Variants in CTNNBL1 observed in about 807,000 individuals in gnomAD.
CTNNBL1 encodes the protein catenin beta like 1.
CTNNBL1 carries 31 observed loss-of-function variants against 72.7 expected under a neutral mutation model. The observed-to-expected ratio is 0.43, with a 90% CI of 0.32 to 0.58. CTNNBL1 has a LOEUF of 0.58. CTNNBL1 is among the 20% of genes least tolerant of loss of function. CTNNBL1 has a pLI of 0.08. For synonymous variants in CTNNBL1, 240 were observed against 267.3 expected (o/e 0.90, Z 1.00); for missense variants, 534 against 725.1 (o/e 0.74, Z 3.03).
rs1389377091 is a variant in CTNNBL1 at position 37,863,604 on chromosome 20, CT to C, written c.1603+3262del. Among the ~76,000 whole-genome samples the C allele has an allele frequency of 2.6e-5, 4 of 152,142 alleles. 1 individual carries two copies. The highest frequency in any genetic ancestry group is 9.7e-5 in the African/African-American group (4 of 41,436). On this transcript the variant is annotated intron_variant, in intron 15 of 15. Coordinates refer to ENST00000361383, the MANE Select transcript of CTNNBL1 (RefSeq NM_030877.5). ...GTGGCCTTGGGGAGGACTATAGCCCCTTCAAGGGAGGCCAAGAAGAGGTGCA... is the reference window on the plus strand; with the variant it reads ...GTGGCCTTGGGGAGGACTATAGCCCCTCAAGGGAGGCCAAGAAGAGGTGCA...
chr20:37,773,909 CTTT>C (rs1176688817), intron 7 of CTNNBL1, among the ~76,000 whole-genome samples: 1 of 104,644 alleles, frequency 9.6e-6, no homozygotes, highest in Non-Finnish European at 1.9e-5. Flanking sequence ...TTCTTTCTCT[CTTT>C]TTTTTTTTTT....
At chr20:37,822,108 G>C (rs2072113048) in intron 11 of CTNNBL1, among the ~76,000 whole-genome samples, 3 of 152,182 alleles carry the variant, frequency 2.0e-5, no homozygotes, top group Admixed American at 6.5e-5. Context: ...TCATGCTAGA[G>C]AATAAATCTG....
At chr20:37,834,163 A>G (rs2072235552) in intron 11 of CTNNBL1, among the ~76,000 whole-genome samples, 1 of 152,134 alleles carries the variant, frequency 6.6e-6, no homozygotes, top group African/African-American at 2.4e-5. Flanking sequence ...TGGTTATTCT[A>G]TTTATTACAT....
intron 2 of CTNNBL1, among the ~76,000 whole-genome samples, chr20:37,734,596 G>A (rs577072193): frequency 6.6e-6 from 1 of 152,198 alleles, no homozygotes. Context: ...AAAAGAGATC[G>A]CTTTGTAAAA....
At chr20:37,720,297 G>T (rs530641006) in intron 1 of CTNNBL1, among the ~76,000 whole-genome samples, 2 of 152,166 alleles carry the variant, frequency 1.3e-5, no homozygotes, top group African/African-American at 4.8e-5. Context: ...CAAAGTGCTG[G>T]GATTACAGGC....
intron 1 of CTNNBL1, among the ~76,000 whole-genome samples, chr20:37,712,104 A>AT (rs1315066073): frequency 6.6e-5 from 10 of 152,226 alleles, no homozygotes; most frequent in Non-Finnish European, 2.9e-5. Context: ...AGCTGAAGCC[A>AT]TGCTGTCCCT....
chr20:37,851,141 C>G (rs1263526612), intron 13 of CTNNBL1, among the ~76,000 whole-genome samples: 1 of 152,212 alleles, frequency 6.6e-6, no homozygotes, highest in African/African-American at 2.4e-5. Context: ...CATACCACCT[C>G]CTTGTGTGTC....
intron 3 of CTNNBL1, among the ~76,000 whole-genome samples, chr20:37,743,593 A>G (rs922483165): frequency 2.0e-5 from 3 of 152,234 alleles, no homozygotes; most frequent in Non-Finnish European, 4.4e-5. Context: ...CTATAAAGCT[A>G]TAACAATGTG....
chr20:37,736,933 G>C (rs960733261), intron 2 of CTNNBL1, among the ~76,000 whole-genome samples: 1 of 152,092 alleles, frequency 6.6e-6, no homozygotes, highest in African/African-American at 2.4e-5. Context: ...GAGATAAAGT[G>C]TGTACTGTGG....
intron 1 of CTNNBL1, among the ~76,000 whole-genome samples, chr20:37,695,683 A>G (rs1181573013): frequency 3.9e-5 from 6 of 152,206 alleles, no homozygotes; most frequent in Non-Finnish European, 5.9e-5. Context: ...CTGTTTTGCT[A>G]CTAACTGGCT....
intron 12 of CTNNBL1, among the ~76,000 whole-genome samples, chr20:37,840,545 C>T (rs1000185470): frequency 1.2e-4 from 19 of 152,342 alleles, no homozygotes; most frequent in Admixed American, 7.2e-4. Flanking sequence ...GAGATTTGAA[C>T]CTGTTTTCGC....
chr20:37,754,214 AT>A (rs1253052434), intron 4 of CTNNBL1, among the ~76,000 whole-genome samples: 1 of 150,240 alleles, frequency 6.7e-6, no homozygotes, highest in Admixed American at 6.6e-5. Context: ...AACACTACTT[AT>A]TGCATTATTG....
intron 11 of CTNNBL1, among the ~76,000 whole-genome samples, chr20:37,825,165 C>T (rs1325432109): frequency 6.6e-6 from 1 of 152,100 alleles, no homozygotes; most frequent in African/African-American, 2.4e-5. Flanking sequence ...CCAGCCTGGT[C>T]AACATGGTGA....
intron 1 of CTNNBL1, among the ~76,000 whole-genome samples, chr20:37,724,366 A>G (rs1181427719): frequency 1.3e-5 from 2 of 152,050 alleles, no homozygotes; most frequent in Non-Finnish European, 2.9e-5. Context: ...TGAAAAATGT[A>G]ATTTTTTTTT....
rs6013087 is a variant in CTNNBL1, at chr20:37,795,966, C to T, written c.1032-6901C>T. Among the ~76,000 whole-genome samples, 430 of 148,036 alleles carry T rather than the reference C, an allele frequency of 2.9e-3. 7 individuals carry two copies. Among genetic ancestry groups the T allele is most frequent in the African/African-American group, 9.6e-3 (384 of 39,966 alleles). ...TGTTCTGGAGCTTTGTTCTAAGATA[C>T]AAAGTTACTTGGAAATAGTTTGGTC... On this transcript the variant is annotated intron_variant, in intron 10 of 15. Transcript: ENST00000361383.
At chr20:37,815,971 C>T (rs2072054729) in intron 11 of CTNNBL1, among the ~76,000 whole-genome samples, 1 of 152,148 alleles carries the variant, frequency 6.6e-6, no homozygotes, top group Non-Finnish European at 1.5e-5. Context: ...CTGCAGGTTG[C>T]TGGGGAAATG....
intron 11 of CTNNBL1, among the ~76,000 whole-genome samples, chr20:37,828,178 T>C (rs557564129): frequency 6.6e-6 from 1 of 152,206 alleles, no homozygotes; most frequent in Non-Finnish European, 1.5e-5. Flanking sequence ...AAGGTACAGA[T>C]ACGACTGAGA....
At chr20:37,761,560 AT>A (rs1299801302) in intron 5 of CTNNBL1, among the ~76,000 whole-genome samples, 3 of 152,160 alleles carry the variant, frequency 2.0e-5, no homozygotes, top group African/African-American at 7.2e-5. Flanking sequence ...TCATTTGTTC[AT>A]TTGTTCACTA....
chr20:37,831,292 G>T (rs576745073), intron 11 of CTNNBL1, among the ~76,000 whole-genome samples: 1 of 152,180 alleles, frequency 6.6e-6, no homozygotes, highest in East Asian at 1.9e-4. Flanking sequence ...TCACATATGC[G>T]CTGAGTATTT....
Sources: allele counts gnomAD v4.1 joint callset (sites outside exome capture counted in the v4.1 genomes callset), GRCh38; gene constraint gnomAD v4.1.1; transcripts MANE v1.5; gene names NCBI Gene and HGNC (gene_info 2026-07-23, HGNC 2026-07-21).